The following CREB5 variants were observed in gnomAD, a reference collection of about 807,000 sequenced individuals.
CREB5 encodes the protein cyclic AMP-responsive element-binding protein 5.
Under a neutral mutation model 57.1 loss-of-function variants are expected in CREB5, and 19 were observed. The ratio of observed to expected loss-of-function variants is 0.33; its 90% CI spans 0.23 to 0.49. The LOEUF (loss-of-function observed/expected upper bound fraction) is 0.49. Among genes scored for constraint, CREB5 ranks in the 20% least tolerant of loss-of-function variants. The pLI is 0.99. For synonymous variants in CREB5, 238 were observed against 238.3 expected (o/e 1.00, Z 0.01); for missense variants, 579 against 671.6 (o/e 0.86, Z 1.52).
chr7:28,453,601 T>C (rs1186328752), intron 1 of CREB5, among the ~76,000 whole-genome samples: 1 of 152,234 alleles, frequency 6.6e-6, no homozygotes, highest in Non-Finnish European at 1.5e-5. Flanking sequence ...CGTGTCTTGC[T>C]TATGACAAAA....
chr7:28,412,486 G>C (rs1787839860), upstream of CREB5: 1 of 156,090 alleles, frequency 6.4e-6, no homozygotes. Context: ...TAGCGCAGGA[G>C]TATAAACTGA....
At chr7:28,589,604 TTC>T (rs1346951728) in intron 5 of CREB5, among the ~76,000 whole-genome samples, 2 of 152,144 alleles carry the variant, frequency 1.3e-5, no homozygotes, top group Admixed American at 1.3e-4. Context: ...TTCTTTGTGG[TTC>T]TTTTTGTTGC....
intron 5 of CREB5, among the ~76,000 whole-genome samples, chr7:28,592,948 G>C (rs1399483935): frequency 1.3e-5 from 2 of 152,188 alleles, no homozygotes; most frequent in African/African-American, 4.8e-5. Context: ...ACTTGCCCAA[G>C]GTCATGTAAA....
chr7:28,514,452 G>A (rs1057136083), intron 4 of CREB5, among the ~76,000 whole-genome samples: 3 of 152,256 alleles, frequency 2.0e-5, no homozygotes, highest in Non-Finnish European at 2.9e-5. Context: ...CTGGAGTGCA[G>A]TGGCGCCATC....
At chr7:28,688,620 C>A (rs1473357168) in intron 5 of CREB5, among the ~76,000 whole-genome samples, 4 of 152,068 alleles carry the variant, frequency 2.6e-5, no homozygotes, top group African/African-American at 4.8e-5. Flanking sequence ...AGGGTAGTAG[C>A]CTTATTATAA....
chr7:28,362,059 A>C (rs1183202991), intron 1 of CREB5, among the ~76,000 whole-genome samples: 1 of 152,230 alleles, frequency 6.6e-6, no homozygotes, highest in Non-Finnish European at 1.5e-5. Flanking sequence ...AGAATTGGGC[A>C]ACAATATGAC....
chr7:28,524,387 C>A (rs2128618063), intron 4 of CREB5, among the ~76,000 whole-genome samples: 1 of 151,416 alleles, frequency 6.6e-6, no homozygotes, highest in African/African-American at 2.4e-5. Flanking sequence ...CACATCTAAT[C>A]CCACCTAATC....
chr7:28,580,389 A>G (rs943173940), intron 5 of CREB5, among the ~76,000 whole-genome samples: 1 of 143,768 alleles, frequency 7.0e-6, no homozygotes, highest in African/African-American at 2.6e-5. Context: ...TGGGGGGGGC[A>G]TGTGGTGTCA....
chr7:28,608,061 C>T (rs562503413), intron 5 of CREB5, among the ~76,000 whole-genome samples: 1 of 150,664 alleles, frequency 6.6e-6, no homozygotes, highest in East Asian at 2.0e-4. Context: ...TCCCCTTATA[C>T]CATACAGATT....
intron 4 of CREB5, among the ~76,000 whole-genome samples, chr7:28,560,934 GT>G (rs1795195034): frequency 1.6e-5 from 1 of 63,580 alleles, no homozygotes; most frequent in Non-Finnish European, 3.0e-5. Flanking sequence ...GCGTGCGTGT[GT>G]GCGTGCGTGT....
rs529813753 is a variant in CREB5 at position 28,813,693 on chromosome 7, CA to C, written c.1254+4282del. ...ATGACATCCCCAAAGCTGAACACTG[CA>C]AATGTAGCTATTAGGGACTTGTTGG... On this transcript the variant is annotated intron_variant, in intron 9 of 10. Transcript: ENST00000357727. Among the ~76,000 whole-genome samples the C allele has an allele frequency of 6.4e-3, 979 of 152,252 alleles. 9 individuals are homozygous for C. Among genetic ancestry groups the C allele is most frequent in the African/African-American group, 0.022 (932 of 41,514 alleles).
chr7:28,740,962 TA>T, intron 7 of CREB5, among the ~76,000 whole-genome samples: 1 of 151,612 alleles, frequency 6.6e-6, no homozygotes, highest in Admixed American at 6.6e-5. Flanking sequence ...TCAGGACCAA[TA>T]ATACATTATG....
intron 1 of CREB5, among the ~76,000 whole-genome samples, chr7:28,483,492 T>C (rs1348629642): frequency 6.6e-6 from 1 of 152,188 alleles, no homozygotes; most frequent in Non-Finnish European, 1.5e-5. Context: ...TTGAAGGAAA[T>C]TAAAATCAGG....
chr7:28,378,696 A>G (rs1786897783), intron 1 of CREB5, among the ~76,000 whole-genome samples: 1 of 152,322 alleles, frequency 6.6e-6, no homozygotes, highest in Non-Finnish European at 1.5e-5. Flanking sequence ...TTTAGACTGC[A>G]TAAACCATAG....
At chr7:28,713,001 C>T (rs1802482712) in intron 5 of CREB5, among the ~76,000 whole-genome samples, 1 of 152,110 alleles carries the variant, frequency 6.6e-6, no homozygotes, top group Non-Finnish European at 1.5e-5. Flanking sequence ...AATTAGGCTA[C>T]AAGACTTCAT....
intron 4 of CREB5, 138 bp from the exon 5 acceptor site, chr7:28,570,227 G>A (rs1009169536): frequency 1.3e-6 from 1 of 769,360 alleles, no homozygotes; most frequent in African/African-American, 1.8e-5. Context: ...CAAGATGAAT[G>A]GGCCTATGGC....
At chr7:28,507,761 T>C (rs1488243430) in intron 4 of CREB5, 24 bp downstream of exon 4, 2 of 1,580,216 alleles carry the variant, frequency 1.3e-6, no homozygotes, top group Non-Finnish European at 1.7e-6. Flanking sequence ...GATGGCCGCC[T>C]TGAGAGGTGT....
intron 5 of CREB5, among the ~76,000 whole-genome samples, chr7:28,674,606 C>G (rs1033536592): frequency 6.6e-6 from 1 of 152,226 alleles, no homozygotes; most frequent in Non-Finnish European, 1.5e-5. Flanking sequence ...TCCTGTCCCT[C>G]TGTTCTCCTG....
intron 5 of CREB5, chr7:28,686,028 G>A (rs1205767409): frequency 1.2e-5 from 13 of 1,073,682 alleles, no homozygotes; most frequent in Admixed American, 2.2e-5. Flanking sequence ...CCAGAGCTAG[G>A]CGCAAAAGAA....
Sources: gnomAD v4.1 joint callset for allele counts (sites outside exome capture counted in the v4.1 genomes callset) on GRCh38, gnomAD v4.1.1 for gene constraint, MANE v1.5 for transcripts, NCBI Gene and HGNC (gene_info 2026-07-23, HGNC 2026-07-21) for gene names.